The following SETD7 variants were observed in gnomAD, a reference collection of about 807,000 sequenced individuals.
SETD7 encodes SET domain containing 7, histone lysine methyltransferase, also known as histone-lysine N-methyltransferase SETD7.
A neutral mutation model predicts 41.8 loss-of-function variants in SETD7; 16 were observed. The ratio of observed to expected loss-of-function variants is 0.38; its 90% CI spans 0.26 to 0.58. The LOEUF (loss-of-function observed/expected upper bound fraction) is 0.58. Among genes scored for constraint, SETD7 ranks in the 20% least tolerant of loss-of-function variants. The pLI is 0.64. For synonymous variants in SETD7, 163 were observed against 169.7 expected (o/e 0.96, Z 0.31); for missense variants, 346 against 459.7 (o/e 0.75, Z 2.26).
At position 139,528,457 on chromosome 4, in the gene SETD7, C is replaced by A. The variant is rs1268086222; in HGVS notation, c.562+574G>T. On this transcript the variant is annotated intron_variant, in intron 4 of 7. Coordinates refer to ENST00000274031, the MANE Select transcript of SETD7 (RefSeq NM_030648.4). ...TTGAAATCAGTTGAATTACTGCTGTCATTTCTTTATTCCCTCCCTATATGA... is the reference window on the plus strand; with the variant it reads ...TTGAAATCAGTTGAATTACTGCTGTAATTTCTTTATTCCCTCCCTATATGA... Among the ~76,000 whole-genome samples the A allele has an allele frequency of 2.0e-5, 3 of 152,282 alleles. No homozygotes were observed. In the East Asian group the frequency reaches 5.8e-4, roughly 29 times the overall value.
intron 1 of SETD7, among the ~76,000 whole-genome samples, chr4:139,554,885 T>C (rs1166924585): frequency 3.9e-5 from 6 of 152,228 alleles, no homozygotes; most frequent in Non-Finnish European, 2.9e-5. Flanking sequence ...TGTATCCTTA[T>C]GCATTTGTAG....
intron 7 of SETD7, among the ~76,000 whole-genome samples, chr4:139,516,059 T>C (rs1437052992): frequency 6.6e-6 from 1 of 152,004 alleles, no homozygotes; most frequent in Non-Finnish European, 1.5e-5. Context: ...ACTACTAAAG[T>C]GTTTGTAGGG....
chr4:139,553,173 T>C (rs1270314269), intron 1 of SETD7, among the ~76,000 whole-genome samples: 1 of 152,194 alleles, frequency 6.6e-6, no homozygotes, highest in Admixed American at 6.5e-5. Context: ...AATTGTCCAC[T>C]CTGAGTTCAG....
At chr4:139,512,746 CTTA>C (rs1726914452) in intron 7 of SETD7, among the ~76,000 whole-genome samples, 1 of 122,368 alleles carries the variant, frequency 8.2e-6, no homozygotes, top group Non-Finnish European at 1.7e-5. Flanking sequence ...CTTTTTTTTT[CTTA>C]TTCTTTTTTT....
At chr4:139,494,125 T>C (rs988523006), downstream of SETD7, among the ~76,000 whole-genome samples, 5 of 152,190 alleles carry the variant, frequency 3.3e-5, no homozygotes, top group Non-Finnish European at 4.4e-5. Context: ...TATCTGCCAC[T>C]AGGGTCATCT....
intron 1 of SETD7, among the ~76,000 whole-genome samples, chr4:139,551,640 G>C (rs2111179007): frequency 6.6e-6 from 1 of 152,038 alleles, no homozygotes; most frequent in Non-Finnish European, 1.5e-5. Context: ...CAAGAGATCT[G>C]AGAGTGGCGT....
chr4:139,544,139 C>G (rs577267026), intron 2 of SETD7, among the ~76,000 whole-genome samples: 32 of 151,164 alleles, frequency 2.1e-4, no homozygotes, highest in African/African-American at 6.6e-4. Flanking sequence ...AAATACAAAA[C>G]AAATTAGCCT....
At chr4:139,526,126 C>A (rs2111142416) in intron 4 of SETD7, among the ~76,000 whole-genome samples, 1 of 152,284 alleles carries the variant, frequency 6.6e-6, no homozygotes, top group Non-Finnish European at 1.5e-5. Flanking sequence ...TCTTGGCTCA[C>A]TGCAACCTCC....
At chr4:139,512,176 A>G (rs1027887083) in intron 7 of SETD7, among the ~76,000 whole-genome samples, 1 of 152,184 alleles carries the variant, frequency 6.6e-6, no homozygotes, top group Non-Finnish European at 1.5e-5. Flanking sequence ...ATGATCAACA[A>G]CAAAAATCTG....
intron 7 of SETD7, among the ~76,000 whole-genome samples, chr4:139,513,773 C>G (rs1686226584): frequency 6.6e-6 from 1 of 152,202 alleles, no homozygotes; most frequent in African/African-American, 2.4e-5. Flanking sequence ...CCCATAGGGT[C>G]TTTGTCATGA....
rs763632116 is a variant in SETD7, at chr4:139,511,734, T to C, written c.1030A>G (p.Lys344Glu). 1.9e-5 allele frequency: 31 copies of C among 1,613,988 alleles called. No homozygotes were observed. Among genetic ancestry groups the C allele is most frequent in the Non-Finnish European group, 2.5e-5 (30 of 1,179,998 alleles). ...AYGYDHSPPG[K>E]SGPEAPEWYQ... ...CACTCAGGGGCTTCAGGCCCACTCT[T>C]CCCGGGGGGGCTGTGGTCATAGCCA... is the stretch of plus-strand genomic sequence containing the variant. Residue 344 changes from lysine to glutamate, a missense_variant, in exon 8 of 8, where the codon AAG (lysine) becomes GAG (glutamate). Physicochemically the swap from Lys to Glu is moderately conservative, Grantham distance 56. Around this residue, in one of 3 missense-constraint regions of SETD7, gnomAD observed 75 missense variants for 65.5 expected, o/e 1.14. Coordinates refer to ENST00000274031, the MANE Select transcript of SETD7 (RefSeq NM_030648.4).
At chr4:139,536,583 A>C (rs535576091) in intron 2 of SETD7, among the ~76,000 whole-genome samples, 3 of 151,966 alleles carry the variant, frequency 2.0e-5, no homozygotes, top group African/African-American at 7.2e-5. Flanking sequence ...GTGGTAGCAC[A>C]TGCTTGTAAT....
rs1727535349 is a variant in SETD7, at chr4:139,533,172, T to C, written c.365A>G (p.Tyr122Cys). Reference protein sequence around the residue: ...DNIRHGVCWIYYPDGGSLVGE... With the variant: ...DNIRHGVCWICYPDGGSLVGE... Reference sequence around the variant, plus strand: ...AACAGTCACACGGCTTACTGGGTAATATATCCAGCACACTCCATGACGAAT... The same window carrying C: ...AACAGTCACACGGCTTACTGGGTAACATATCCAGCACACTCCATGACGAAT... The change falls in exon 3 of 8, where the codon TAT becomes TGT. Residue 122 changes from tyrosine (Y) to cysteine (C), a missense_variant. Around this residue, in one of 3 missense-constraint regions of SETD7, gnomAD observed 266 missense variants for 377.0 expected, o/e 0.71. Transcript: ENST00000274031. The C allele has an allele frequency of 2.5e-6, 4 of 1,613,062 alleles. No homozygotes were observed. Among genetic ancestry groups the C allele is most frequent in the African/African-American group, 1.3e-5 (1 of 74,882 alleles).
In SETD7 at chr4:139,523,362, T is replaced by C; in HGVS notation, c.636A>G (p.Glu212=). 1 of 1,610,532 alleles carries C rather than the reference T, an allele frequency of 6.2e-7. No individual in the cohort carries two copies. Residue 212 remains glutamate (E), a synonymous_variant, in exon 5 of 8, where the codon GAA becomes GAG. Coordinates refer to ENST00000274031, the MANE Select transcript of SETD7 (RefSeq NM_030648.4). ...STNALLPDPY[E]SERVYVAESL... is the part of the protein sequence containing the mutation. ...CCCAAGGAGGAAATTACCTTTCTGATTCATAAGGATCTGGAAGAAGAGCAT... is the reference window on the plus strand; with the variant it reads ...CCCAAGGAGGAAATTACCTTTCTGACTCATAAGGATCTGGAAGAAGAGCAT...
Position 139,529,048 on chromosome 4 carries a change from A to C in SETD7, c.545T>G (p.Phe182Cys), listed in dbSNP as rs965385718. 8 of 1,614,062 alleles carry C rather than the reference A, an allele frequency of 5.0e-6. No individual in the cohort carries two copies. Among genetic ancestry groups the C allele is most frequent in the Non-Finnish European group, 5.9e-6 (7 of 1,179,990 alleles). Residue 182 changes from phenylalanine (F) to cysteine (C), a missense_variant, in exon 4 of 8, where the codon TTT becomes TGT. By Grantham distance (205) the Phe-to-Cys change is radical. Transcript: ENST00000274031. Reference sequence around the variant, plus strand: ...CAACTTACTTCCAGGCATCAGTTCAAAGTGAGGCCTCCCTTCTTCAGTGGA... The same window carrying C: ...CAACTTACTTCCAGGCATCAGTTCACAGTGAGGCCTCCCTTCTTCAGTGGA... The part of the protein sequence containing the change: ...LMSTEEGRPH[F>C]ELMPGNSVYH...
downstream of SETD7, among the ~76,000 whole-genome samples, chr4:139,503,179 G>GAAAAA (rs11388022): frequency 6.7e-3 from 487 of 72,998 alleles, 12 homozygotes; most frequent in African/African-American, 0.029. Context: ...CTCTGTCTCA[G>GAAAAA]AAAAAAAAAA....
intron 2 of SETD7, 69 bp from the exon 3 acceptor site, chr4:139,533,435 T>C: frequency 7.3e-7 from 1 of 1,374,712 alleles, no homozygotes; most frequent in East Asian, 2.5e-5. Flanking sequence ...GAAAGGATCA[T>C]ATCCAAGGAA....
At chr4:139,516,894 T>A (rs1003737439) in intron 7 of SETD7, among the ~76,000 whole-genome samples, 1 of 152,120 alleles carries the variant, frequency 6.6e-6, no homozygotes, top group Non-Finnish European at 1.5e-5. Flanking sequence ...TGAGATCCCA[T>A]ACCCATTAGC....
intron 4 of SETD7, among the ~76,000 whole-genome samples, chr4:139,525,794 A>T (rs1017566258): frequency 6.6e-6 from 1 of 152,178 alleles, no homozygotes; most frequent in Non-Finnish European, 1.5e-5. Context: ...CAGGTCAATA[A>T]TTATAACTGG....
Sources: gnomAD v4.1 joint callset for allele counts (sites outside exome capture counted in the v4.1 genomes callset) on GRCh38, gnomAD v4.1.1 for gene constraint, gnomAD v4.1.1 regional missense constraint, MANE v1.5 for transcripts, NCBI Gene and HGNC (gene_info 2026-07-23, HGNC 2026-07-21) for gene names.